EXOC2: variants seen among roughly 807,000 people sequenced by gnomAD.
The protein encoded by EXOC2 is exocyst complex component 2.
A neutral mutation model predicts 131.8 loss-of-function variants in EXOC2; 70 were observed. The ratio of observed to expected loss-of-function variants is 0.53; its 90% confidence interval spans 0.44 to 0.65. The LOEUF (loss-of-function observed/expected upper bound fraction) is 0.65. Ranked by LOEUF, EXOC2 falls within the 30% of genes least tolerant of loss-of-function variation. The pLI, the probability that EXOC2 is intolerant of heterozygous loss-of-function variation, is 0.00. For synonymous variants in EXOC2, 411 were observed against 398.4 expected (o/e 1.03, Z -0.38); for missense variants, 923 against 1,108.6 (o/e 0.83, Z 2.38).
At chr6:491,756 CAG>C (rs1485115948) in intron 25 of EXOC2, among the ~76,000 whole-genome samples, 1 of 152,196 alleles carries the variant, frequency 6.6e-6, no homozygotes, top group Non-Finnish European at 1.5e-5. Flanking sequence ...GCAAGGCACT[CAG>C]AACAGCCAAA....
chr6:543,253 G>T (rs1478417824), intron 22 of EXOC2, among the ~76,000 whole-genome samples: 1 of 152,154 alleles, frequency 6.6e-6, no homozygotes, highest in Non-Finnish European at 1.5e-5. Flanking sequence ...TTAAAATGTG[G>T]TGCATATACA....
intron 23 of EXOC2, chr6:524,439 G>C (rs998229720): frequency 7.6e-4 from 115 of 152,196 alleles, no homozygotes; most frequent in African/African-American, 2.6e-3. Flanking sequence ...TAATGAATTA[G>C]TGTTCCACTG....
intron 1 of EXOC2, chr6:668,969 G>A (rs1763738845): frequency 6.6e-6 from 1 of 152,190 alleles, no homozygotes; most frequent in Non-Finnish European, 1.5e-5. Context: ...ATGGAGAGCT[G>A]ACTGTATTTC....
chr6:634,609 T>C (rs1762011898), intron 2 of EXOC2, among the ~76,000 whole-genome samples: 1 of 152,230 alleles, frequency 6.6e-6, no homozygotes, highest in Admixed American at 6.5e-5. Flanking sequence ...GCAACTATGC[T>C]TTAAAGATAC....
At chr6:597,630 C>T (rs1347312525) in intron 10 of EXOC2, among the ~76,000 whole-genome samples, 1 of 152,166 alleles carries the variant, frequency 6.6e-6, no homozygotes, top group East Asian at 1.9e-4. Context: ...ATTCTTGTGG[C>T]ATAATGCATT....
intron 7 of EXOC2, among the ~76,000 whole-genome samples, chr6:604,489 A>G (rs1760286223): frequency 6.6e-6 from 1 of 152,034 alleles, no homozygotes. Flanking sequence ...CATTCTCTAT[A>G]CAGATGGCAG....
In EXOC2 at chr6:486,562, G is replaced by A. The variant is rs1360314098; in HGVS notation, c.*109C>T. ...TTCGAAGTCAGAGGAAGAAAAAAGA[G>A]AAAAATGGCAAACCCAATGTTTAAT... On this transcript the variant is annotated 3_prime_UTR_variant, in exon 28 of 28. Transcript: ENST00000230449. 2.0e-6 allele frequency: 2 copies of A among 1,009,164 alleles called. No individual in the cohort carries two copies. Among genetic ancestry groups the A allele is most frequent in the African/African-American group, 1.6e-5 (1 of 61,648 alleles). 62.5% of individuals were successfully genotyped at this position (1,009,164 alleles called of 1,614,324 possible).
intron 6 of EXOC2, among the ~76,000 whole-genome samples, chr6:611,758 C>T (rs1760726616): frequency 6.6e-6 from 1 of 152,176 alleles, no homozygotes; most frequent in Non-Finnish European, 1.5e-5. Context: ...CAACTTGGTA[C>T]ATGATCATAG....
chr6:490,742 A>G (rs188988588), intron 26 of EXOC2, among the ~76,000 whole-genome samples: 10 of 152,346 alleles, frequency 6.6e-5, no homozygotes, highest in Non-Finnish European at 1.2e-4. Context: ...CATTCAAAAC[A>G]GCTAAAAATT....
chr6:559,785 G>A (rs1032644771), intron 17 of EXOC2, among the ~76,000 whole-genome samples: 13 of 152,194 alleles, frequency 8.5e-5, no homozygotes, highest in African/African-American at 3.1e-4. Flanking sequence ...ACGTGTACCC[G>A]AGGCACTGAC....
chr6:615,735 A>G (rs1760965176), intron 6 of EXOC2, among the ~76,000 whole-genome samples: 1 of 151,824 alleles, frequency 6.6e-6, no homozygotes, highest in Non-Finnish European at 1.5e-5. Flanking sequence ...AAAAAAAAAA[A>G]AAAAGAAAAA....
chr6:516,573 T>C (rs776711325), intron 23 of EXOC2, among the ~76,000 whole-genome samples: 5 of 152,236 alleles, frequency 3.3e-5, no homozygotes, highest in Admixed American at 6.5e-5. Flanking sequence ...CGAAGTCTTC[T>C]GACTAAACTG....
chr6:582,326 G>A (rs1187214389), intron 11 of EXOC2, among the ~76,000 whole-genome samples: 2 of 152,106 alleles, frequency 1.3e-5, no homozygotes, highest in African/African-American at 4.8e-5. Flanking sequence ...AGCCAGGTGA[G>A]TAAGGTTACT....
chr6:692,286 A>T (rs934390851), intron 1 of EXOC2, among the ~76,000 whole-genome samples: 2 of 152,240 alleles, frequency 1.3e-5, no homozygotes, highest in Non-Finnish European at 2.9e-5. Flanking sequence ...CCATTCAAAG[A>T]CGAGTTCTTT....
At chr6:503,071 A>G (rs967203897) in intron 23 of EXOC2, among the ~76,000 whole-genome samples, 1 of 152,206 alleles carries the variant, frequency 6.6e-6, no homozygotes, top group Non-Finnish European at 1.5e-5. Context: ...TGCTGGTATT[A>G]TAATTTTTGG....
At chr6:612,943 GCTCAAGGGGCATT>G (rs139869027) in intron 6 of EXOC2, among the ~76,000 whole-genome samples, 2,666 of 152,248 alleles carry the variant, frequency 0.018, 97 homozygotes, top group African/African-American at 0.061. Context: ...AAATGCACAA[GCTCAAGGGGCATT>G]CAGGGAAATC....
chr6:610,480 T>C (rs1184041859), intron 6 of EXOC2, among the ~76,000 whole-genome samples: 1 of 152,162 alleles, frequency 6.6e-6, no homozygotes, highest in Admixed American at 6.5e-5. Context: ...ATTACACAGG[T>C]TGAGTATCTC....
chr6:616,463 C>T (rs970002428), intron 6 of EXOC2, among the ~76,000 whole-genome samples: 23 of 151,804 alleles, frequency 1.5e-4, no homozygotes, highest in East Asian at 4.0e-4. Flanking sequence ...ATTAGCCGGG[C>T]GCAGTGGCGG....
chr6:606,805 A>G (rs1376219283), intron 7 of EXOC2, among the ~76,000 whole-genome samples: 1 of 152,214 alleles, frequency 6.6e-6, no homozygotes. Context: ...ACAGCCAGCT[A>G]TTCCTTCCGT....
Sources: allele counts gnomAD v4.1 joint callset (sites outside exome capture counted in the v4.1 genomes callset), GRCh38; gene constraint gnomAD v4.1.1; transcripts MANE v1.5; gene names NCBI Gene and HGNC (gene_info 2026-07-23, HGNC 2026-07-21).